Variants in CCDC171 observed in about 807,000 individuals in gnomAD.
CCDC171 encodes coiled-coil domain-containing protein 171.
In CCDC171, 177 loss-of-function variants were observed where a neutral mutation model predicts 168.2. That is an observed-to-expected ratio of 1.05 (90% CI 0.93 to 1.19). The LOEUF (loss-of-function observed/expected upper bound fraction) is 1.19, where lower values mean the gene tolerates loss of function less well. CCDC171 is among the 50% of genes most tolerant of loss of function. The pLI, the probability that CCDC171 is intolerant of heterozygous loss-of-function variation, is 0.00. For missense variants in CCDC171, 1,991 were observed against 1,539.0 expected, an observed-to-expected ratio of 1.29 and a Z score of -4.91; for synonymous variants, 687 against 540.8, an observed-to-expected ratio of 1.27 and a Z score of -3.75.
chr9:15,793,195 T>A (rs573373108), intron 21 of CCDC171, among the ~76,000 whole-genome samples: 1 of 151,758 alleles, frequency 6.6e-6, no homozygotes, highest in South Asian at 2.1e-4. Context: ...TAAAACAGAC[T>A]TTAAACCAAC....
At chr9:15,683,205 C>G (rs1409728847) in intron 10 of CCDC171, among the ~76,000 whole-genome samples, 1 of 151,928 alleles carries the variant, frequency 6.6e-6, no homozygotes, top group East Asian at 1.9e-4. Context: ...CTCTAAAGAA[C>G]TTGTGATTGA....
intron 16 of CCDC171, among the ~76,000 whole-genome samples, chr9:15,732,476 A>G (rs1564304559): frequency 1.3e-5 from 2 of 152,154 alleles, no homozygotes; most frequent in Admixed American, 6.6e-5. Context: ...GGCCATATTT[A>G]GAAACCACAG....
At chr9:15,835,686 CA>C (rs1563838156) in intron 21 of CCDC171, among the ~76,000 whole-genome samples, 1 of 152,146 alleles carries the variant, frequency 6.6e-6, no homozygotes, top group East Asian at 1.9e-4. Flanking sequence ...CTTGGCCTCC[CA>C]AGGTGCTGGG....
intron 3 of CCDC171, among the ~76,000 whole-genome samples, chr9:15,996,723 A>G (rs985299437): frequency 2.6e-5 from 4 of 152,158 alleles, no homozygotes; most frequent in Non-Finnish European, 4.4e-5. Context: ...AAGTATTATT[A>G]TTAGCTCTGA....
Position 15,677,879 on chromosome 9 carries a change from CATATAT to C in CCDC171, c.1077-837_1077-832del, listed in dbSNP as rs71325929. Among the ~76,000 whole-genome samples, 25 of 12,482 alleles carry C rather than the reference CATATAT, an allele frequency of 2.0e-3. 1 individual carries two copies. The highest frequency in any genetic ancestry group is 3.5e-3 in the South Asian group (1 of 282). 8.2% of individuals were successfully genotyped at this position (12,482 alleles called of 152,430 possible). A position where few individuals can be genotyped will look rare whatever the true frequency, so the allele number is the denominator to read the frequency against. ...TGTATATATATATGTGTGTGTGTGT[CATATAT>C]ATATATATATATATATATATATATA... is the stretch of plus-strand genomic sequence containing the variant. On this transcript the variant is annotated intron_variant, in intron 9 of 25. Coordinates refer to ENST00000380701, the MANE Select transcript of CCDC171 (RefSeq NM_173550.4).
intron 23 of CCDC171, among the ~76,000 whole-genome samples, chr9:15,852,686 T>G (rs547759532): frequency 3.6e-4 from 54 of 151,868 alleles, no homozygotes; most frequent in African/African-American, 1.3e-3. Flanking sequence ...CCCTCTGTTT[T>G]CTTCTAAGAA....
At chr9:16,000,353 C>G (rs1300842808) in intron 3 of CCDC171, among the ~76,000 whole-genome samples, 1 of 152,050 alleles carries the variant, frequency 6.6e-6, no homozygotes, top group African/African-American at 2.4e-5. Context: ...GTTACCTCTC[C>G]CCTTGAGGCA....
chr9:15,912,064 G>C (rs914039781), intron 24 of CCDC171, among the ~76,000 whole-genome samples: 2 of 152,196 alleles, frequency 1.3e-5, no homozygotes, highest in African/African-American at 4.8e-5. Flanking sequence ...ATTTAAAGTA[G>C]TGTTTTTCTA....
At chr9:15,560,679 C>T (rs112491446) in intron 1 of CCDC171, among the ~76,000 whole-genome samples, 18 of 152,248 alleles carry the variant, frequency 1.2e-4, no homozygotes, top group African/African-American at 4.1e-4. Context: ...TGAACATCCT[C>T]CTTTAGCTCG....
chr9:16,059,546 C>T (rs1365112246), intron 1 of CCDC171, among the ~76,000 whole-genome samples: 1 of 126,466 alleles, frequency 7.9e-6, no homozygotes, highest in Non-Finnish European at 1.6e-5. Flanking sequence ...CTCGCTCTGT[C>T]GCCCAGGCCG....
At chr9:15,660,384 A>G (rs2048225463) in intron 8 of CCDC171, among the ~76,000 whole-genome samples, 3 of 152,058 alleles carry the variant, frequency 2.0e-5, no homozygotes. Flanking sequence ...ATATTGCCTG[A>G]TGCTGAGGTT....
At chr9:15,958,303 A>C (rs1203677160) in intron 25 of CCDC171, among the ~76,000 whole-genome samples, 1 of 152,086 alleles carries the variant, frequency 6.6e-6, no homozygotes, top group Non-Finnish European at 1.5e-5. Flanking sequence ...TGATGATAGA[A>C]ATATGGCTTT....
intron 7 of CCDC171, among the ~76,000 whole-genome samples, chr9:15,643,845 C>T (rs2046828090): frequency 6.6e-6 from 1 of 152,114 alleles, no homozygotes; most frequent in Admixed American, 6.6e-5. Flanking sequence ...TTGTATTTGA[C>T]TTCTTTTACT....
At position 15,750,698 on chromosome 9, in the gene CCDC171, T is replaced by C. The variant is rs139161165; in HGVS notation, c.2671+5067T>C. Among the ~76,000 whole-genome samples the C allele has an allele frequency of 6.1e-3, 930 of 152,288 alleles. 12 individuals are homozygous for C. Among genetic ancestry groups the C allele is most frequent in the African/African-American group, 0.022 (897 of 41,536 alleles). ...AAAACCACATGATTATCTCAATGGA[T>C]GCAGAAAAGGCCTTCGACAAAATTC... is the stretch of plus-strand genomic sequence containing the variant. On this transcript the variant is annotated intron_variant, in intron 18 of 25. Coordinates refer to ENST00000380701, the MANE Select transcript of CCDC171 (RefSeq NM_173550.4).
At chr9:15,852,564 C>G (rs79344239) in intron 23 of CCDC171, among the ~76,000 whole-genome samples, 3,721 of 151,614 alleles carry the variant, frequency 0.025, 164 homozygotes, top group African/African-American at 0.085. Flanking sequence ...AGTGTCCTTT[C>G]ATGAACAGAA....
At chr9:15,788,366 G>A (rs1056771627) in intron 21 of CCDC171, among the ~76,000 whole-genome samples, 3 of 152,072 alleles carry the variant, frequency 2.0e-5, no homozygotes, top group African/African-American at 7.2e-5. Context: ...TAAATATTCG[G>A]TTGTGTTTTC....
intron 18 of CCDC171, among the ~76,000 whole-genome samples, chr9:15,773,160 G>T (rs935362384): frequency 1.3e-5 from 2 of 152,056 alleles, no homozygotes; most frequent in South Asian, 2.1e-4. Context: ...GTTGTAGATT[G>T]CTCTCTCTTC....
chr9:15,679,343 T>C (rs2049877007), intron 10 of CCDC171, among the ~76,000 whole-genome samples: 1 of 152,232 alleles, frequency 6.6e-6, no homozygotes, highest in Non-Finnish European at 1.5e-5. Flanking sequence ...AATATTGATC[T>C]GTTTTTGTTA....
intron 9 of CCDC171, among the ~76,000 whole-genome samples, chr9:15,669,620 T>G (rs1159458770): frequency 6.6e-6 from 1 of 152,140 alleles, no homozygotes; most frequent in Non-Finnish European, 1.5e-5. Context: ...AATTTTCAAA[T>G]ATAGTAAAGT....
Sources: gnomAD v4.1 joint callset for allele counts (sites outside exome capture counted in the v4.1 genomes callset) on GRCh38, gnomAD v4.1.1 for gene constraint, MANE v1.5 for transcripts, NCBI Gene and HGNC (gene_info 2026-07-23, HGNC 2026-07-21) for gene names.